EVL: variants seen among roughly 807,000 people sequenced by gnomAD.
EVL encodes Enah/Vasp-like.
A neutral mutation model predicts 59.6 loss-of-function variants in EVL; 21 were observed. The ratio of observed to expected loss-of-function variants is 0.35; its 90% CI spans 0.25 to 0.51. The LOEUF is 0.51. EVL is among the 20% of genes least tolerant of loss of function. EVL has a pLI of 0.97. For missense variants in EVL, 462 were observed against 546.6 expected (o/e 0.85, Z 1.54); for synonymous variants, 198 against 203.5 (o/e 0.97, Z 0.23).
chr14:100,094,139 G>A lies in EVL; in HGVS notation c.181-3342G>A, dbSNP rs376702431. ...CATACTGGCAACAAAAAAAAATCAC[G>A]AAGTCCTCGGCTTCTAAATCCAATT... On this transcript the variant is annotated intron_variant, in intron 2 of 13. Transcript: ENST00000392920. Among the ~76,000 whole-genome samples, 40 of 150,896 alleles carry A rather than the reference G, an allele frequency of 2.7e-4. No homozygotes were observed. In the East Asian group the frequency reaches 3.5e-3, roughly 13 times the overall value.
intron 9 of EVL, among the ~76,000 whole-genome samples, chr14:100,136,541 C>A (rs1888801689): frequency 6.6e-6 from 1 of 152,162 alleles, no homozygotes; most frequent in Non-Finnish European, 1.5e-5. Flanking sequence ...CGACAAACAT[C>A]TTTGCAGCAC....
At chr14:100,063,440 C>G (rs1335113249), upstream of EVL, among the ~76,000 whole-genome samples, 1 of 152,206 alleles carries the variant, frequency 6.6e-6, no homozygotes, top group Non-Finnish European at 1.5e-5. Context: ...TCTTACAAAA[C>G]TCTAAGATAA....
intron 3 of EVL, chr14:100,107,572 G>A: frequency 3.0e-6 from 1 of 330,132 alleles, no homozygotes. Flanking sequence ...TCCAGGCCAA[G>A]GACCAGAAAA....
Position 100,137,571 on chromosome 14 carries a change from C to T in EVL, c.965-7C>T, listed in dbSNP as rs111505779. The T allele has an allele frequency of 5.6e-6, 9 of 1,613,782 alleles. No homozygotes were observed. The highest frequency in any genetic ancestry group is 3.3e-4 in the Middle Eastern group (2 of 6,058). On this transcript the variant is annotated splice_region_variant and splice_polypyrimidine_tract_variant and intron_variant, in intron 9 of 13. Transcript: ENST00000392920. Reference sequence around the variant, plus strand: ...TGAGGTTCTTCATCCATGAAATGAACTGACAGAGGCTGGCCGGAAGCCCTG... The same window carrying T: ...TGAGGTTCTTCATCCATGAAATGAATTGACAGAGGCTGGCCGGAAGCCCTG...
chr14:100,081,325 T>G (rs1304022947), intron 1 of EVL, among the ~76,000 whole-genome samples: 1 of 152,072 alleles, frequency 6.6e-6, no homozygotes, highest in Non-Finnish European at 1.5e-5. Flanking sequence ...ACAAAAAATT[T>G]CAAAGGTATA....
At chr14:100,072,531 A>T (rs1303263433) in intron 1 of EVL, among the ~76,000 whole-genome samples, 3 of 152,038 alleles carry the variant, frequency 2.0e-5, no homozygotes, top group African/African-American at 7.2e-5. Context: ...TTTAGTATGG[A>T]CTCTGTATTA....
At chr14:100,096,036 GT>G (rs987739836) in intron 2 of EVL, among the ~76,000 whole-genome samples, 1 of 152,032 alleles carries the variant, frequency 6.6e-6, no homozygotes, top group Admixed American at 6.6e-5. Flanking sequence ...CTTCAATTAC[GT>G]TTTTTTAGCT....
intron 11 of EVL, chr14:100,138,129 T>C (rs564248183): frequency 4.2e-5 from 18 of 433,436 alleles, no homozygotes; most frequent in African/African-American, 2.0e-4. Flanking sequence ...GCCTCTGTTT[T>C]CCCCCCACAA....
At chr14:99,991,088 CCT>C (rs2060873099) in intron 1 of EVL, among the ~76,000 whole-genome samples, 1 of 152,052 alleles carries the variant, frequency 6.6e-6, no homozygotes, top group Non-Finnish European at 1.5e-5. Context: ...ACTGCCACCC[CCT>C]GAGGCAGCAA....
At chr14:100,116,718 A>G (rs146184735) in intron 3 of EVL, among the ~76,000 whole-genome samples, 3 of 152,324 alleles carry the variant, frequency 2.0e-5, no homozygotes, top group Non-Finnish European at 4.4e-5. Flanking sequence ...TCTCTTAGAC[A>G]TTTATTTGTT....
chr14:100,125,504 G>A (rs1433776923), intron 4 of EVL, among the ~76,000 whole-genome samples: 3 of 151,932 alleles, frequency 2.0e-5, no homozygotes, highest in African/African-American at 4.8e-5. Context: ...AGACACTAAT[G>A]TAGATGCTGC....
rs577718173 is a variant in EVL at position 100,127,215 on chromosome 14, G to T, written c.487+444G>T. On this transcript the variant is annotated intron_variant, in intron 5 of 13. Coordinates refer to ENST00000392920, the MANE Select transcript of EVL (RefSeq NM_016337.3). The surrounding 1 kb of genome is among the most constrained non-coding windows in gnomAD (Gnocchi z 4.2). The stretch of plus-strand genomic sequence containing the variant: ...GGGTCAGGAAGACTTCCCACAGGAG[G>T]CGCTGCCACGCGTCTGTCTTGGACG... 1.3e-5 allele frequency among the ~76,000 whole-genome samples: 2 copies of T among 152,352 alleles called. No homozygotes were observed. The highest frequency in any genetic ancestry group is 2.1e-4 in the South Asian group (1 of 4,826).
At chr14:100,104,857 TAGGA>T (rs1886457880) in intron 3 of EVL, among the ~76,000 whole-genome samples, 1 of 150,884 alleles carries the variant, frequency 6.6e-6, no homozygotes, top group Admixed American at 6.6e-5. Flanking sequence ...AATTTAAAGA[TAGGA>T]AGGGTTTTAG....
chr14:99,986,456 A>G (rs1361046529), intron 1 of EVL, among the ~76,000 whole-genome samples: 1 of 152,186 alleles, frequency 6.6e-6, no homozygotes, highest in African/African-American at 2.4e-5. Flanking sequence ...AAAATCAAAC[A>G]GTAAGCAACA....
chr14:100,042,920 C>T (rs2061488524), intron 1 of EVL, among the ~76,000 whole-genome samples: 1 of 152,132 alleles, frequency 6.6e-6, no homozygotes, highest in Non-Finnish European at 1.5e-5. Flanking sequence ...TATATAAGCC[C>T]TGAGTCTGGT....
At chr14:99,997,754 T>G (rs76924856) in intron 1 of EVL, among the ~76,000 whole-genome samples, 4,186 of 152,338 alleles carry the variant, frequency 0.027, 83 homozygotes, top group Non-Finnish European at 0.042. Context: ...CTTCAAACTC[T>G]GTTCCCTGAT....
At chr14:100,024,223 A>G (rs1330871224) in intron 1 of EVL, among the ~76,000 whole-genome samples, 1 of 152,238 alleles carries the variant, frequency 6.6e-6, no homozygotes, top group African/African-American at 2.4e-5. Flanking sequence ...TCAAATTTAT[A>G]TCTACTCTTG....
intron 3 of EVL, among the ~76,000 whole-genome samples, chr14:100,111,646 G>T (rs537742507): frequency 2.0e-5 from 3 of 152,274 alleles, no homozygotes; most frequent in African/African-American, 7.2e-5. Context: ...TCATTCTGGT[G>T]TGCCACCACC....
At chr14:100,136,062 T>C (rs1039385700) in intron 9 of EVL, 94 bp downstream of exon 9, 5 of 1,415,396 alleles carry the variant, frequency 3.5e-6, no homozygotes, top group African/African-American at 1.4e-5. Flanking sequence ...CCAGCCTCTT[T>C]AGTATGCCTG....
Sources: gnomAD v4.1 joint callset for allele counts (sites outside exome capture counted in the v4.1 genomes callset) on GRCh38, gnomAD v4.1.1 for gene constraint, Gnocchi (gnomAD v3.1) non-coding constraint, MANE v1.5 for transcripts, NCBI Gene and HGNC (gene_info 2026-07-23, HGNC 2026-07-21) for gene names.